ANO3: variants seen among roughly 807,000 people sequenced by gnomAD.
The protein encoded by ANO3 is anoctamin-3.
In ANO3, 99 loss-of-function variants were observed where a neutral mutation model predicts 144.8. The ratio of observed to expected loss-of-function variants is 0.68; its 90% CI spans 0.58 to 0.81. ANO3 has a LOEUF of 0.81. Among genes scored for constraint, ANO3 ranks in the 30% least tolerant of loss-of-function variants. ANO3 has a pLI of 0.00. For missense variants in ANO3, 905 were observed against 1,202.2 expected (o/e 0.75, Z 3.66); for synonymous variants, 414 against 392.6 (o/e 1.05, Z -0.64).
chr11:26,590,223 G>A (rs1369646197), intron 14 of ANO3, among the ~76,000 whole-genome samples: 4 of 152,132 alleles, frequency 2.6e-5, no homozygotes, highest in Admixed American at 6.5e-5. Flanking sequence ...AGAATAAAGG[G>A]AAAAAGAGAA....
At chr11:26,547,627 A>T in intron 12 of ANO3, 77 bp downstream of exon 12, 2 of 1,349,620 alleles carry the variant, frequency 1.5e-6, no homozygotes, top group South Asian at 2.6e-5. Flanking sequence ...AATGCTGACT[A>T]TAAAAAATCA....
intron 1 of ANO3, among the ~76,000 whole-genome samples, chr11:26,289,565 C>CATATAGAATAT (rs1554934415): frequency 8.8e-6 from 1 of 113,642 alleles, no homozygotes; most frequent in Non-Finnish European, 1.7e-5. Context: ...TGTATATGTA[C>CATATAGAATAT]ATATACACAT....
chr11:26,308,966 G>A (rs1854445551), upstream of ANO3, among the ~76,000 whole-genome samples: 1 of 152,136 alleles, frequency 6.6e-6, no homozygotes, highest in Admixed American at 6.5e-5. Context: ...TGAGGTCAGA[G>A]TTTTTAATCT....
At position 26,478,384 on chromosome 11, in the gene ANO3, G is replaced by A. The variant is rs536719059; in HGVS notation, c.432+15236G>A. Among the ~76,000 whole-genome samples the A allele has an allele frequency of 7.5e-3, 1,138 of 152,266 alleles. 7 individuals carry two copies. The highest frequency in any genetic ancestry group is 0.012 in the Non-Finnish European group (844 of 68,008). ...GGCCCACTTTAGGTCAAAGAGATAA[G>A]AGACTTTACATATTGATGTAGAGAT... On this transcript the variant is annotated intron_variant, in intron 4 of 26. Coordinates refer to ENST00000256737, the MANE Select transcript of ANO3 (RefSeq NM_031418.4).
intron 10 of ANO3, among the ~76,000 whole-genome samples, chr11:26,539,799 C>G (rs913303743): frequency 6.6e-6 from 1 of 152,152 alleles, no homozygotes; most frequent in Non-Finnish European, 1.5e-5. Flanking sequence ...ATGTGCCAGG[C>G]ACTTTATAGG....
At chr11:26,455,674 TC>T in intron 3 of ANO3, among the ~76,000 whole-genome samples, 1 of 152,058 alleles carries the variant, frequency 6.6e-6, no homozygotes, top group Non-Finnish European at 1.5e-5. Flanking sequence ...TTCAATGCCA[TC>T]CCCGTCAAGC....
intron 21 of ANO3, among the ~76,000 whole-genome samples, chr11:26,640,153 G>A (rs112410633): frequency 1.4e-3 from 210 of 152,140 alleles, no homozygotes; most frequent in Middle Eastern, 3.4e-3. Context: ...TATAGGCTGT[G>A]GAATTACCCA....
intron 1 of ANO3, among the ~76,000 whole-genome samples, chr11:26,342,868 G>T (rs1405668435): frequency 6.6e-6 from 1 of 151,498 alleles, no homozygotes; most frequent in Non-Finnish European, 1.5e-5. Context: ...GGTATAATTG[G>T]CAAATAAGGA....
At chr11:26,516,328 T>C (rs1590445650) in intron 5 of ANO3, among the ~76,000 whole-genome samples, 1 of 151,450 alleles carries the variant, frequency 6.6e-6, no homozygotes, top group Non-Finnish European at 1.5e-5. Flanking sequence ...TAACAGACTT[T>C]TACAATTTAT....
chr11:26,547,288 A>G, intron 11 of ANO3, 128 bp from the exon 12 acceptor site: 4 of 861,824 alleles, frequency 4.6e-6, no homozygotes, highest in Admixed American at 2.3e-5. Context: ...GATACTTTAG[A>G]TGGAGCTGAG....
intron 3 of ANO3, among the ~76,000 whole-genome samples, chr11:26,460,347 C>T (rs1039855610): frequency 7.3e-5 from 10 of 136,688 alleles, no homozygotes; most frequent in Non-Finnish European, 1.4e-4. Flanking sequence ...AGAGGTTTGG[C>T]GTACAGATAG....
intron 1 of ANO3, among the ~76,000 whole-genome samples, chr11:26,433,058 G>C (rs993813177): frequency 2.0e-5 from 3 of 152,100 alleles, no homozygotes; most frequent in Admixed American, 2.0e-4. Context: ...GCATTTGTTT[G>C]TATTGTCTCT....
At chr11:26,540,186 T>G (rs444622) in intron 10 of ANO3, among the ~76,000 whole-genome samples, 108,029 of 151,890 alleles carry the variant, frequency 0.71, 38,720 homozygotes, top group East Asian at 0.84. Flanking sequence ...TTCAATTTTT[T>G]GAATATCTTA....
intron 14 of ANO3, chr11:26,567,213 T>A (rs1850623607): frequency 1.1e-6 from 1 of 928,074 alleles, no homozygotes; most frequent in Non-Finnish European, 1.4e-6. Context: ...AAATTTGCAG[T>A]GCTTTTAATG....
intron 4 of ANO3, chr11:26,474,019 G>A (rs1307220075): frequency 3.0e-6 from 3 of 984,866 alleles, no homozygotes; most frequent in East Asian, 2.3e-4. Flanking sequence ...CGGTGAAAGG[G>A]AGAACTTTCA....
intron 12 of ANO3, among the ~76,000 whole-genome samples, chr11:26,548,951 GAA>G (rs5790587): frequency 0.014 from 2,103 of 146,850 alleles, 48 homozygotes; most frequent in African/African-American, 0.048. Flanking sequence ...CAATGAATTG[GAA>G]AAAAAAAAAA....
chr11:26,361,127 G>A (rs12799392), intron 1 of ANO3, among the ~76,000 whole-genome samples: 17,410 of 152,228 alleles, frequency 0.11, 1,210 homozygotes, highest in Admixed American at 0.18. Flanking sequence ...TATATCGGAG[G>A]TTAGTGCTTA....
intron 12 of ANO3, among the ~76,000 whole-genome samples, chr11:26,552,296 TG>T (rs147940930): frequency 0.015 from 2,307 of 149,466 alleles, 53 homozygotes; most frequent in African/African-American, 0.053. Flanking sequence ...GAAATACACA[TG>T]GAAATTCACA....
chr11:26,487,561 C>T (rs575388559), intron 4 of ANO3, among the ~76,000 whole-genome samples: 3 of 151,904 alleles, frequency 2.0e-5, no homozygotes, highest in Non-Finnish European at 4.4e-5. Context: ...TTGGAGGGCT[C>T]ATAAGAGGAC....
Sources: allele counts gnomAD v4.1 joint callset (sites outside exome capture counted in the v4.1 genomes callset), GRCh38; gene constraint gnomAD v4.1.1; transcripts MANE v1.5; gene names NCBI Gene and HGNC (gene_info 2026-07-23, HGNC 2026-07-21).